PRKAR1A: variants seen among roughly 807,000 people sequenced by gnomAD.
The protein encoded by PRKAR1A is protein kinase cAMP-dependent type I regulatory subunit alpha, also known as cAMP-dependent protein kinase type I-alpha regulatory subunit.
PRKAR1A carries 3 observed loss-of-function variants against 52.0 expected under a neutral mutation model. The ratio of observed to expected loss-of-function variants is 0.06; its 90% CI spans 0.03 to 0.15. The LOEUF (loss-of-function observed/expected upper bound fraction) is 0.15, where lower values mean the gene tolerates loss of function less well. PRKAR1A is among the 10% of genes least tolerant of loss of function. The pLI is 1.00. For missense variants in PRKAR1A, 240 were observed against 477.4 expected (o/e 0.50, Z 4.63); for synonymous variants, 188 against 168.4 (o/e 1.12, Z -0.90).
chr17:68,530,714 G>T lies in PRKAR1A; in HGVS notation c.*265G>T. 1 of 1,366,620 alleles carries T rather than the reference G, an allele frequency of 7.3e-7. No individual in the cohort carries two copies. The highest frequency in any genetic ancestry group is 9.5e-7 in the Non-Finnish European group (1 of 1,055,980). The allele number at this position is 1,366,620 out of a possible 1,614,324, so 84.7% of individuals were successfully genotyped here. The stretch of plus-strand genomic sequence containing the variant: ...TTGTGCAGTGTTAGTATTCACCCTG[G>T]GCAGTGAGTGCCATGCTTTTTGGTG... On this transcript the variant is annotated 3_prime_UTR_variant, in exon 11 of 11. Coordinates refer to ENST00000589228, the MANE Select transcript of PRKAR1A (RefSeq NM_002734.5).
At chr17:68,445,793 T>C in the PRKAR1A span, among the ~76,000 whole-genome samples, 5 of 152,216 alleles carry the variant, frequency 3.3e-5, no homozygotes, top group African/African-American at 4.8e-5. Flanking sequence ...GGGCAGCTCC[T>C]CGCACATCTG....
Position 68,531,241 on chromosome 17 carries a change from C to T in PRKAR1A, c.*792C>T. The stretch of plus-strand genomic sequence containing the variant: ...AAATTCCGATTAGACCTTTATCCAG[C>T]TAGTGCCAAATAATTGATCAGATGC... On this transcript the variant is annotated 3_prime_UTR_variant, in exon 11 of 11. Coordinates refer to ENST00000589228, the MANE Select transcript of PRKAR1A (RefSeq NM_002734.5). The T allele has an allele frequency of 9.4e-7, 1 of 1,066,372 alleles. No homozygotes were observed. The highest frequency in any genetic ancestry group is 1.1e-6 in the Non-Finnish European group (1 of 879,644). The allele number at this position is 1,066,372 out of a possible 1,614,324, so 66.1% of individuals were successfully genotyped here.
chr17:68,458,730 C>G, the PRKAR1A span, among the ~76,000 whole-genome samples: 2 of 152,298 alleles, frequency 1.3e-5, no homozygotes, highest in East Asian at 3.9e-4. Context: ...GTTTATGAAG[C>G]AGGAGCTCTG....
intron 11 of PRKAR1A, chr17:68,539,466 CCT>C (rs2086195869): frequency 1.4e-6 from 2 of 1,383,398 alleles, no homozygotes; most frequent in Admixed American, 1.7e-5. Flanking sequence ...CTTCCTCTCT[CCT>C]CTCAGCATTT....
chr17:68,523,943 A>C, intron 4 of PRKAR1A, 73 bp from the exon 5 acceptor site: 2 of 1,595,844 alleles, frequency 1.3e-6, no homozygotes, highest in East Asian at 4.5e-5. Context: ...GGGGTCTTTA[A>C]TTCTAAGCTT....
At chr17:68,447,674 C>A in the PRKAR1A span, among the ~76,000 whole-genome samples, 1 of 152,094 alleles carries the variant, frequency 6.6e-6, no homozygotes, top group Non-Finnish European at 1.5e-5. Flanking sequence ...CACACTTGGC[C>A]CTTTCCTTCC....
the PRKAR1A span, among the ~76,000 whole-genome samples, chr17:68,473,756 T>C: frequency 2.0e-5 from 3 of 152,062 alleles, no homozygotes; most frequent in Admixed American, 6.6e-5. Context: ...TTCCTGACTT[T>C]GTGATCCGCC....
the PRKAR1A span, among the ~76,000 whole-genome samples, chr17:68,460,904 A>T: frequency 3.3e-5 from 5 of 152,248 alleles, no homozygotes; most frequent in African/African-American, 7.2e-5. Context: ...GGGCAAGGTT[A>T]TAAATAACTT....
At chr17:68,539,925 C>G (rs1206358050) in intron 11 of PRKAR1A, 1 of 1,614,078 alleles carries the variant, frequency 6.2e-7, no homozygotes, top group Non-Finnish European at 8.5e-7. Context: ...CCATCATCCC[C>G]GAACTTGGTG....
the PRKAR1A span, among the ~76,000 whole-genome samples, chr17:68,505,968 A>T: frequency 2.6e-5 from 4 of 152,220 alleles, no homozygotes; most frequent in Non-Finnish European, 5.9e-5. Context: ...TTTTTTGTAA[A>T]CCTAGAATTG....
At chr17:68,499,415 T>C in the PRKAR1A span, among the ~76,000 whole-genome samples, 1 of 135,290 alleles carries the variant, frequency 7.4e-6, no homozygotes, top group Non-Finnish European at 1.6e-5. Flanking sequence ...AGGAGGGATA[T>C]AAGTAAGCAA....
chr17:68,530,035 T>C, intron 10 of PRKAR1A, 34 bp downstream of exon 10: 2 of 1,595,546 alleles, frequency 1.3e-6, no homozygotes, highest in Non-Finnish European at 1.7e-6. Flanking sequence ...AAATACATGG[T>C]TTCTTTAAGT....
the PRKAR1A span, among the ~76,000 whole-genome samples, chr17:68,459,601 T>A: frequency 1.3e-5 from 2 of 152,204 alleles, no homozygotes; most frequent in Non-Finnish European, 2.9e-5. Flanking sequence ...GCTAAAGTGA[T>A]GAAAACAAGG....
At chr17:68,550,039 G>C (rs2086759575) in intron 11 of PRKAR1A, among the ~76,000 whole-genome samples, 1 of 152,100 alleles carries the variant, frequency 6.6e-6, no homozygotes, top group South Asian at 2.1e-4. Flanking sequence ...CTTTGCGCTG[G>C]TTTTACTGCC....
At chr17:68,514,940 G>A (rs760162764) in intron 1 of PRKAR1A, 16 of 230,492 alleles carry the variant, frequency 6.9e-5, no homozygotes, top group African/African-American at 2.3e-4. Flanking sequence ...GTTACGTATA[G>A]GGAATGTCAG....
chr17:68,544,452 CTT>C (rs2086456266), intron 11 of PRKAR1A, among the ~76,000 whole-genome samples: 1 of 152,176 alleles, frequency 6.6e-6, no homozygotes, highest in South Asian at 2.1e-4. Flanking sequence ...TCTAGGCTGA[CTT>C]TGCCTCGAGG....
the PRKAR1A span, among the ~76,000 whole-genome samples, chr17:68,475,201 A>C: frequency 6.6e-6 from 1 of 152,366 alleles, no homozygotes; most frequent in East Asian, 1.9e-4. Context: ...TAATAAAAAA[A>C]ATCTACCAAA....
At chr17:68,525,522 C>G (rs75472577) in intron 6 of PRKAR1A, among the ~76,000 whole-genome samples, 1 of 152,164 alleles carries the variant, frequency 6.6e-6, no homozygotes, top group Admixed American at 6.5e-5. Context: ...TACATCCTTA[C>G]AGAGTGCTTT....
chr17:68,416,823 C>T, the PRKAR1A span, among the ~76,000 whole-genome samples: 2,564 of 152,256 alleles, frequency 0.017, 81 homozygotes, highest in African/African-American at 0.059. Flanking sequence ...GATGTTTTAA[C>T]TGTTTTTTCT....
Sources: allele counts gnomAD v4.1 joint callset (sites outside exome capture counted in the v4.1 genomes callset), GRCh38; gene constraint gnomAD v4.1.1; transcripts MANE v1.5; gene names NCBI Gene and HGNC (gene_info 2026-07-23, HGNC 2026-07-21).